Variants in CNOT1 observed in about 807,000 individuals in gnomAD.
CNOT1 encodes the protein CCR4-associated factor 1.
Under a neutral mutation model 273.8 loss-of-function variants are expected in CNOT1, and 15 were observed. The observed-to-expected ratio is 0.05, with a 90% CI of 0.04 to 0.08. The LOEUF is 0.08. Among genes scored for constraint, CNOT1 ranks in the 10% least tolerant of loss-of-function variants. CNOT1 has a pLI of 1.00. For synonymous variants in CNOT1, 1,022 were observed against 1,005.5 expected (o/e 1.02, Z -0.31); for missense variants, 1,644 against 2,912.2 (o/e 0.56, Z 10.02).
chr16:58,538,194 C>T lies in CNOT1; in HGVS notation c.5208G>A (p.Leu1736=). 6.5e-7 allele frequency: 1 copy of T among 1,531,934 alleles called. No homozygotes were observed. The highest frequency in any genetic ancestry group is 9.1e-7 in the Non-Finnish European group (1 of 1,104,860). 94.9% of individuals were successfully genotyped at this position (1,531,934 alleles called of 1,614,324 possible). A position where few individuals can be genotyped will look rare whatever the true frequency, so the allele number is the denominator to read the frequency against. Residue 1736 remains leucine (L), a synonymous_variant, in exon 37 of 49, where the codon TTG becomes TTA. Coordinates refer to ENST00000317147, the MANE Select transcript of CNOT1 (RefSeq NM_016284.5). ...GAAGATCATACTGCTGCATATTAAC[C>T]AAATGATTGCGAATTAGCAGCTCCA... ...EAVELLIRNH[L]VNMQQYDLHL...
At chr16:58,629,342 A>C (rs1338054184) in intron 1 of CNOT1, among the ~76,000 whole-genome samples, 2 of 152,202 alleles carry the variant, frequency 1.3e-5, no homozygotes, top group Non-Finnish European at 2.9e-5. Context: ...AACAGTAGTT[A>C]AGGAGGTCGT....
intron 16 of CNOT1, among the ~76,000 whole-genome samples, chr16:58,561,370 C>T (rs903870226): frequency 1.1e-4 from 17 of 152,146 alleles, no homozygotes; most frequent in Non-Finnish European, 2.4e-4. Context: ...TCCATAGCTT[C>T]AACCACTTTG....
intron 42 of CNOT1, 48 bp from the exon 43 acceptor site, chr16:58,530,395 T>C (rs774178177): frequency 6.9e-7 from 1 of 1,448,540 alleles, no homozygotes; most frequent in Non-Finnish European, 9.6e-7. Flanking sequence ...CAGCTGTTTT[T>C]CAGCCACTAC....
At chr16:58,535,332 C>T (rs567708875) in intron 39 of CNOT1, among the ~76,000 whole-genome samples, 4 of 152,332 alleles carry the variant, frequency 2.6e-5, no homozygotes, top group East Asian at 3.9e-4. Flanking sequence ...GACTTTTTGT[C>T]TACACTGGTA....
chr16:58,604,297 A>C (rs1218844871), intron 1 of CNOT1, among the ~76,000 whole-genome samples: 3 of 152,178 alleles, frequency 2.0e-5, no homozygotes, highest in African/African-American at 7.2e-5. Context: ...TCATCACAAA[A>C]ATATTTATTT....
intron 16 of CNOT1, among the ~76,000 whole-genome samples, chr16:58,573,313 AAAAG>A (rs1555498491): frequency 4.0e-5 from 6 of 151,836 alleles, no homozygotes; most frequent in East Asian, 1.9e-4. Context: ...TCTCAAAAAA[AAAAG>A]AAAGAAAGAA....
intron 16 of CNOT1, among the ~76,000 whole-genome samples, chr16:58,573,797 A>C (rs2041368537): frequency 6.6e-6 from 1 of 152,018 alleles, no homozygotes; most frequent in Non-Finnish European, 1.5e-5. Flanking sequence ...AGCTGATCTT[A>C]AACTTTTTAG....
chr16:58,548,516 A>G (rs748681071), intron 25 of CNOT1: 2 of 519,090 alleles, frequency 3.9e-6, no homozygotes, highest in Non-Finnish European at 3.8e-6. Flanking sequence ...CCTTAACTCT[A>G]TACAGCAACA....
intron 47 of CNOT1, among the ~76,000 whole-genome samples, chr16:58,522,580 C>G (rs1056252502): frequency 2.6e-5 from 4 of 152,078 alleles, no homozygotes; most frequent in Non-Finnish European, 5.9e-5. Flanking sequence ...GTATCACAAT[C>G]TCTCTAATGC....
chr16:58,567,899 T>G (rs77036814), intron 16 of CNOT1, among the ~76,000 whole-genome samples: 220 of 152,270 alleles, frequency 1.4e-3, no homozygotes, highest in East Asian at 0.013. Context: ...GTATAGGGAG[T>G]CTGTGTGAGA....
chr16:58,558,991 T>TA (rs535281428), intron 17 of CNOT1, among the ~76,000 whole-genome samples: 136 of 152,364 alleles, frequency 8.9e-4, no homozygotes, highest in Non-Finnish European at 1.4e-3. Context: ...CCAGATATCC[T>TA]AACAATCCCA....
intron 1 of CNOT1, among the ~76,000 whole-genome samples, chr16:58,624,018 G>A (rs560648712): frequency 1.1e-3 from 163 of 151,832 alleles, no homozygotes; most frequent in African/African-American, 3.5e-3. Context: ...AAGTATTTCC[G>A]AGAGTTCTAC....
At chr16:58,585,246 T>G (rs961560077) in intron 8 of CNOT1, 92 bp downstream of exon 8, 7 of 1,555,596 alleles carry the variant, frequency 4.5e-6, no homozygotes, top group African/African-American at 1.4e-5. Context: ...GAAAAGATGA[T>G]TAACTTTAAG....
At chr16:58,571,696 G>C (rs1293946178) in intron 16 of CNOT1, among the ~76,000 whole-genome samples, 2 of 152,196 alleles carry the variant, frequency 1.3e-5, no homozygotes, top group Non-Finnish European at 2.9e-5. Context: ...AATAATAGGA[G>C]GCCGGGCATA....
chr16:58,537,801 ACAAGTAATGTTAGTAAGTCTGCATATT>A, intron 38 of CNOT1, 63 bp downstream of exon 38: 1 of 1,526,972 alleles, frequency 6.5e-7, no homozygotes, highest in Non-Finnish European at 8.9e-7. Context: ...AGCAGTTATA[ACAAGTAATGTTAGTAAGTCTGCATATT>A]CATTCCTAAA....
chr16:58,576,102 C>T (rs548687358), intron 14 of CNOT1, among the ~76,000 whole-genome samples: 3 of 151,686 alleles, frequency 2.0e-5, no homozygotes, highest in African/African-American at 4.8e-5. Context: ...TAAGCATTTA[C>T]TTTTTTTCCT....
Position 58,628,154 on chromosome 16 carries a change from T to C in CNOT1, c.-175+1574A>G, listed in dbSNP as rs551370644. Among the ~76,000 whole-genome samples, 6 of 152,312 alleles carry C rather than the reference T, an allele frequency of 3.9e-5. No homozygotes were observed. The South Asian group carries it at 1.0e-3, about 26-fold the overall frequency. On this transcript the variant is annotated intron_variant, in intron 1 of 48. Coordinates refer to ENST00000317147, the MANE Select transcript of CNOT1 (RefSeq NM_016284.5). The stretch of plus-strand genomic sequence containing the variant: ...ATTCTAGACTTGTTTCCACTAAGAC[T>C]TGGGGAACCCACACTTGTTGAAAAG...
At chr16:58,608,195 A>C (rs2042758534) in intron 1 of CNOT1, among the ~76,000 whole-genome samples, 2 of 151,956 alleles carry the variant, frequency 1.3e-5, no homozygotes, top group African/African-American at 4.8e-5. Flanking sequence ...AAAAAAGAAA[A>C]AGAACATTTT....
intron 43 of CNOT1, among the ~76,000 whole-genome samples, 194 bp from the exon 44 acceptor site, chr16:58,528,842 A>C (rs2039682551): frequency 6.6e-6 from 1 of 152,022 alleles, no homozygotes; most frequent in Non-Finnish European, 1.5e-5. Context: ...ATCATGAAAA[A>C]CTAGGCATCA....
Sources: allele counts gnomAD v4.1 joint callset (sites outside exome capture counted in the v4.1 genomes callset), GRCh38; gene constraint gnomAD v4.1.1; transcripts MANE v1.5; gene names NCBI Gene and HGNC (gene_info 2026-07-23, HGNC 2026-07-21).